FSHR: variants seen among roughly 807,000 people sequenced by gnomAD.
FSHR encodes follicle stimulating hormone receptor, also known as follicle-stimulating hormone receptor.
A neutral mutation model predicts 52.1 loss-of-function variants in FSHR; 46 were observed. The ratio of observed to expected loss-of-function variants is 0.88; its 90% CI spans 0.70 to 1.13. The LOEUF is 1.13. FSHR is among the 50% of genes most tolerant of loss of function. FSHR has a pLI of 0.00. For missense variants in FSHR, 964 were observed against 834.6 expected, an observed-to-expected ratio of 1.16 and a Z score of -1.91; for synonymous variants, 399 against 309.6, an observed-to-expected ratio of 1.29 and a Z score of -3.03.
intron 2 of FSHR, among the ~76,000 whole-genome samples, chr2:49,035,605 C>T (rs910122650): frequency 6.6e-6 from 1 of 152,150 alleles, no homozygotes; most frequent in Non-Finnish European, 1.5e-5. Context: ...AAACATCAGC[C>T]TATGAGATCA....
rs892154827 is a variant in FSHR at position 49,025,492 on chromosome 2, G to A, written c.225-5332C>T. 5.3e-5 allele frequency among the ~76,000 whole-genome samples: 8 copies of A among 152,214 alleles called. No individual in the cohort carries two copies. The East Asian group carries it at 1.5e-3, about 29-fold the overall frequency. The stretch of plus-strand genomic sequence containing the variant: ...AATTCATATTATATATGTGACATAT[G>A]TTGTATACCTTGTGATATTGAAGTG... On this transcript the variant is annotated intron_variant, in intron 2 of 9. Coordinates refer to ENST00000406846, the MANE Select transcript of FSHR (RefSeq NM_000145.4).
chr2:48,997,588 G>T (rs868546496), intron 4 of FSHR, among the ~76,000 whole-genome samples: 5 of 152,048 alleles, frequency 3.3e-5, no homozygotes, highest in African/African-American at 9.7e-5. Flanking sequence ...TTAGGGGTTA[G>T]TTGGAGTCTC....
chr2:49,149,882 C>G (rs753281719), intron 1 of FSHR, among the ~76,000 whole-genome samples: 2 of 152,026 alleles, frequency 1.3e-5, no homozygotes, highest in African/African-American at 4.8e-5. Flanking sequence ...CAAGGTTTAA[C>G]ACAGGCAGCC....
intron 2 of FSHR, among the ~76,000 whole-genome samples, chr2:49,040,296 T>C (rs1381452015): frequency 9.2e-6 from 1 of 108,982 alleles, no homozygotes; most frequent in Non-Finnish European, 1.9e-5. Context: ...TCTTGTAGAC[T>C]GTGTACCTCA....
Position 48,962,947 on chromosome 2 carries a change from A to G in FSHR, c.1874T>C (p.Leu625Pro). ...HPINSCANPF[L>P]YAIFTKNFRR... The stretch of plus-strand genomic sequence containing the variant: ...AAAGTTTTTGGTAAAGATGGCATAG[A>G]GGAAGGGGTTGGCACAGGAGTTGAT... Residue 625 changes from leucine to proline, a missense_variant, in exon 10 of 10, where the codon CTC (leucine) becomes CCC (proline). Transcript: ENST00000406846. 1 of 1,614,154 alleles carries G rather than the reference A, an allele frequency of 6.2e-7. No individual in the cohort carries two copies. Among genetic ancestry groups the G allele is most frequent in the Admixed American group, 1.7e-5 (1 of 60,008 alleles).
chr2:49,083,192 C>A lies in FSHR; in HGVS notation c.153-14902G>T, dbSNP rs376309047. Reference sequence around the variant, plus strand: ...CAGAAGAGAGTGGGGGCCAATATTCCACATTCTTAAAGAAAAGAATTTTCA... The same window carrying A: ...CAGAAGAGAGTGGGGGCCAATATTCAACATTCTTAAAGAAAAGAATTTTCA... On this transcript the variant is annotated intron_variant, in intron 1 of 9. Transcript: ENST00000406846. Among the ~76,000 whole-genome samples, 17 of 150,812 alleles carry A rather than the reference C, an allele frequency of 1.1e-4. No individual in the cohort carries two copies. The South Asian group carries it at 3.0e-3, about 26-fold the overall frequency.
chr2:49,093,371 A>T (rs980004500), intron 1 of FSHR, among the ~76,000 whole-genome samples: 1 of 152,204 alleles, frequency 6.6e-6, no homozygotes, highest in African/African-American at 2.4e-5. Flanking sequence ...TATATCGAAG[A>T]AATGTTGTTA....
At chr2:49,098,390 T>C (rs1344238191) in intron 1 of FSHR, among the ~76,000 whole-genome samples, 3 of 152,082 alleles carry the variant, frequency 2.0e-5, no homozygotes, top group African/African-American at 4.8e-5. Context: ...TCTTAGAGGA[T>C]AGAATGGGGT....
Position 48,984,632 on chromosome 2 carries a change from T to C in FSHR, c.525-1466A>G, listed in dbSNP as rs183921124. On this transcript the variant is annotated intron_variant, in intron 6 of 9. Transcript: ENST00000406846. ...GGCCTAATATTGAGAAGAGAATTTTTAGTGGGGGATAACATTTTGCTTAAC... is the reference window on the plus strand; with the variant it reads ...GGCCTAATATTGAGAAGAGAATTTTCAGTGGGGGATAACATTTTGCTTAAC... Among the ~76,000 whole-genome samples, 1,163 of 152,204 alleles carry C rather than the reference T, an allele frequency of 7.6e-3. 16 individuals are homozygous for C. Among genetic ancestry groups the C allele is most frequent in the African/African-American group, 0.027 (1,116 of 41,522 alleles).
At chr2:49,019,788 A>C (rs1667624641) in intron 3 of FSHR, among the ~76,000 whole-genome samples, 3 of 152,152 alleles carry the variant, frequency 2.0e-5, no homozygotes, top group Admixed American at 2.0e-4. Flanking sequence ...GACTGGAATA[A>C]CTCTGAATGG....
At chr2:49,073,161 C>T (rs556859512) in intron 1 of FSHR, among the ~76,000 whole-genome samples, 5 of 152,136 alleles carry the variant, frequency 3.3e-5, no homozygotes, top group African/African-American at 1.2e-4. Flanking sequence ...GACAAGGATG[C>T]CCACTCTTAC....
chr2:49,030,219 G>A (rs1337142900), intron 2 of FSHR, among the ~76,000 whole-genome samples: 2 of 150,830 alleles, frequency 1.3e-5, no homozygotes, highest in Non-Finnish European at 3.0e-5. Context: ...GTAAGCCAGT[G>A]TTGATTTCCT....
intron 1 of FSHR, among the ~76,000 whole-genome samples, chr2:49,071,305 T>C (rs921192806): frequency 2.9e-4 from 44 of 152,038 alleles, no homozygotes; most frequent in Admixed American, 5.2e-4. Context: ...AGAAGATATT[T>C]TAAATGCAAG....
intron 1 of FSHR, among the ~76,000 whole-genome samples, chr2:49,099,877 C>T (rs993175735): frequency 1.3e-5 from 2 of 152,080 alleles, no homozygotes; most frequent in African/African-American, 4.8e-5. Flanking sequence ...GAATACATTT[C>T]TGTTGTTTTA....
intron 2 of FSHR, among the ~76,000 whole-genome samples, chr2:49,033,127 A>C (rs1360510557): frequency 6.6e-6 from 1 of 152,226 alleles, no homozygotes; most frequent in Non-Finnish European, 1.5e-5. Context: ...TTACCATAGC[A>C]ACTTGCTTTC....
intron 1 of FSHR, among the ~76,000 whole-genome samples, chr2:49,068,640 C>G (rs1467470401): frequency 6.6e-6 from 1 of 152,026 alleles, no homozygotes. Flanking sequence ...CTACTCCAAC[C>G]CCCATTACCT....
intron 1 of FSHR, among the ~76,000 whole-genome samples, chr2:49,146,718 G>A (rs930474740): frequency 3.9e-5 from 6 of 152,064 alleles, no homozygotes; most frequent in African/African-American, 1.4e-4. Context: ...AAGCATTTGA[G>A]AATTGAAAAC....
intron 1 of FSHR, among the ~76,000 whole-genome samples, chr2:49,132,409 G>A (rs1672312105): frequency 1.3e-5 from 2 of 152,084 alleles, no homozygotes; most frequent in East Asian, 1.9e-4. Flanking sequence ...AAGGAGCACT[G>A]GAAAGCATCT....
intron 4 of FSHR, among the ~76,000 whole-genome samples, chr2:49,011,740 C>T (rs1336835380): frequency 2.0e-5 from 3 of 152,096 alleles, no homozygotes; most frequent in Non-Finnish European, 4.4e-5. Context: ...CAGCTGAGAC[C>T]TGTGCCCAGA....
Sources: gnomAD v4.1 joint callset for allele counts (sites outside exome capture counted in the v4.1 genomes callset) on GRCh38, gnomAD v4.1.1 for gene constraint, MANE v1.5 for transcripts, NCBI Gene and HGNC (gene_info 2026-07-23, HGNC 2026-07-21) for gene names.